The following BCL2 variants were observed in gnomAD, a reference collection of about 807,000 sequenced individuals.
BCL2 encodes BCL2 apoptosis regulator, also known as apoptosis regulator Bcl-2.
BCL2 carries 1 observed loss-of-function variant against 14.2 expected under a neutral mutation model. The observed-to-expected ratio is 0.07, with a 90% CI of 0.02 to 0.33. The LOEUF (loss-of-function observed/expected upper bound fraction) is 0.33. Ranked by LOEUF, BCL2 falls within the 10% of genes least tolerant of loss-of-function variation. The pLI, the probability that BCL2 is intolerant of heterozygous loss-of-function variation, is 0.99. For missense variants in BCL2, 247 were observed against 305.9 expected, an observed-to-expected ratio of 0.81 and a Z score of 1.44; for synonymous variants, 151 against 137.2, an observed-to-expected ratio of 1.10 and a Z score of -0.70.
chr18:63,270,177 C>T (rs1318034240), intron 2 of BCL2, among the ~76,000 whole-genome samples: 2 of 152,054 alleles, frequency 1.3e-5, no homozygotes, highest in Non-Finnish European at 2.9e-5. Flanking sequence ...CTATGGAGGG[C>T]AATTTGACAA....
intron 2 of BCL2, among the ~76,000 whole-genome samples, chr18:63,146,542 G>C (rs374666882): frequency 6.6e-6 from 1 of 152,244 alleles, no homozygotes; most frequent in Non-Finnish European, 1.5e-5. Flanking sequence ...TTAAATGCTG[G>C]CATTGTGGTT....
chr18:63,316,632 A>G (rs996776962), intron 2 of BCL2: 1 of 152,224 alleles, frequency 6.6e-6, no homozygotes, highest in Non-Finnish European at 1.5e-5. Context: ...TTTAAACACC[A>G]AACAGTGGCA....
At chr18:63,254,402 A>T (rs1432693265) in intron 2 of BCL2, among the ~76,000 whole-genome samples, 1 of 148,880 alleles carries the variant, frequency 6.7e-6, no homozygotes, top group East Asian at 1.9e-4. Context: ...AAAAAAAAAA[A>T]AAAAAAAGCT....
rs187971642 is a variant in BCL2, at chr18:63,213,468, T to C, written c.586-84709A>G. On this transcript the variant is annotated intron_variant, in intron 2 of 2. Coordinates refer to ENST00000333681, the MANE Select transcript of BCL2 (RefSeq NM_000633.3). ...CTTAGAAAAGGAAGAAAAAAAGCAG[T>C]TCTCAGTAAAAGATAAACCACAGAG... Among the ~76,000 whole-genome samples, 613 of 151,344 alleles carry C rather than the reference T, an allele frequency of 4.1e-3. 3 individuals carry two copies. Among genetic ancestry groups the C allele is most frequent in the Non-Finnish European group, 7.2e-3 (489 of 67,882 alleles).
chr18:63,162,839 C>T (rs1385577106), intron 2 of BCL2, among the ~76,000 whole-genome samples: 1 of 139,378 alleles, frequency 7.2e-6, no homozygotes, highest in Non-Finnish European at 1.5e-5. Context: ...TTCCTTCTTT[C>T]CATCCCTCCT....
chr18:63,308,380 C>T (rs572044278), intron 2 of BCL2, among the ~76,000 whole-genome samples: 7 of 152,334 alleles, frequency 4.6e-5, no homozygotes, highest in African/African-American at 1.7e-4. Flanking sequence ...CTGTGAGAAC[C>T]TTGGGCCAGC....
At chr18:63,144,174 A>G (rs1309000838) in intron 2 of BCL2, among the ~76,000 whole-genome samples, 1 of 152,210 alleles carries the variant, frequency 6.6e-6, no homozygotes, top group East Asian at 1.9e-4. Flanking sequence ...AGCTCGTTTT[A>G]GCTCTTTCTT....
At chr18:63,215,935 TGA>T (rs1200386042) in intron 2 of BCL2, among the ~76,000 whole-genome samples, 1 of 152,034 alleles carries the variant, frequency 6.6e-6, no homozygotes, top group Non-Finnish European at 1.5e-5. Flanking sequence ...AAAAATTCAT[TGA>T]GAGAGAAATA....
intron 2 of BCL2, chr18:63,151,378 A>G (rs1188961571): frequency 6.6e-6 from 1 of 151,604 alleles, no homozygotes; most frequent in East Asian, 1.9e-4. Context: ...CTTTCCTTCT[A>G]TGAGGTCAGG....
At position 63,198,842 on chromosome 18, in the gene BCL2, CAT is replaced by C. The variant is rs1259133069; in HGVS notation, c.586-70085_586-70084del. 3.8e-4 allele frequency among the ~76,000 whole-genome samples: 54 copies of C among 142,220 alleles called. 1 individual carries two copies. The highest frequency in any genetic ancestry group is 6.9e-4 in the South Asian group (3 of 4,360). The allele number at this position is 142,220 out of a possible 152,430, so 93.3% of individuals were successfully genotyped here. A position where few individuals can be genotyped will look rare whatever the true frequency, so the allele number is the denominator to read the frequency against. The stretch of plus-strand genomic sequence containing the variant: ...AGACACACAGACATACACAGACACA[CAT>C]AGACACAGAGACACACACAAAGACA... On this transcript the variant is annotated intron_variant, in intron 2 of 2. Coordinates refer to ENST00000333681, the MANE Select transcript of BCL2 (RefSeq NM_000633.3).
intron 1 of BCL2, 50 bp downstream of exon 1, chr18:63,319,124 G>T: frequency 1.0e-6 from 1 of 968,102 alleles, no homozygotes; most frequent in Non-Finnish European, 1.3e-6. Context: ...AAATCTCAAA[G>T]GTTTCCATTG....
At chr18:63,155,323 C>T (rs1282563728) in intron 2 of BCL2, among the ~76,000 whole-genome samples, 4 of 152,134 alleles carry the variant, frequency 2.6e-5, no homozygotes, top group Non-Finnish European at 4.4e-5. Flanking sequence ...CTTGAGGAGG[C>T]GACAAATCTC....
intron 2 of BCL2, among the ~76,000 whole-genome samples, chr18:63,189,704 C>A (rs994486198): frequency 8.4e-6 from 1 of 118,942 alleles, no homozygotes; most frequent in Admixed American, 1.0e-4. Flanking sequence ...TCCCACCCCC[C>A]ACCCACCGCA....
intron 2 of BCL2, among the ~76,000 whole-genome samples, chr18:63,199,000 TACAC>T (rs1453501592): frequency 5.0e-3 from 75 of 15,124 alleles, no homozygotes; most frequent in African/African-American, 0.018. Context: ...CCCACAGACA[TACAC>T]AGACACACAC....
At chr18:63,243,189 G>GA (rs1411011724) in intron 2 of BCL2, among the ~76,000 whole-genome samples, 2 of 152,164 alleles carry the variant, frequency 1.3e-5, no homozygotes, top group African/African-American at 4.8e-5. Flanking sequence ...CCATAAAAAA[G>GA]AATTAGATCA....
At chr18:63,246,129 C>T (rs1282090298) in intron 2 of BCL2, among the ~76,000 whole-genome samples, 2 of 152,226 alleles carry the variant, frequency 1.3e-5, no homozygotes, top group African/African-American at 4.8e-5. Flanking sequence ...CATCTTTCAG[C>T]TGTTTTGTGG....
chr18:63,207,088 C>A (rs1909857812), intron 2 of BCL2, among the ~76,000 whole-genome samples: 1 of 152,148 alleles, frequency 6.6e-6, no homozygotes, highest in South Asian at 2.1e-4. Flanking sequence ...GGAAATAGGA[C>A]TAGGAATACA....
intron 2 of BCL2, among the ~76,000 whole-genome samples, chr18:63,135,502 A>G (rs1402015175): frequency 2.0e-5 from 3 of 152,122 alleles, no homozygotes; most frequent in South Asian, 2.1e-4. Context: ...CTTGTCTCAC[A>G]CATCTTCCTC....
At chr18:63,293,764 G>A (rs933543309) in intron 2 of BCL2, among the ~76,000 whole-genome samples, 22 of 152,148 alleles carry the variant, frequency 1.4e-4, no homozygotes, top group African/African-American at 4.6e-4. Flanking sequence ...AGCCAGCAAC[G>A]TGAAAAGTCC....
Sources: allele counts gnomAD v4.1 joint callset (sites outside exome capture counted in the v4.1 genomes callset), GRCh38; gene constraint gnomAD v4.1.1; transcripts MANE v1.5; gene names NCBI Gene and HGNC (gene_info 2026-07-23, HGNC 2026-07-21).